The following NUP160 variants were observed in gnomAD, a reference collection of about 807,000 sequenced individuals.
NUP160 encodes nuclear pore complex protein Nup160.
Under a neutral mutation model 196.9 loss-of-function variants are expected in NUP160, and 94 were observed. That is an observed-to-expected ratio of 0.48 (90% CI 0.40 to 0.57). The LOEUF (loss-of-function observed/expected upper bound fraction) is 0.57. Among genes scored for constraint, NUP160 ranks in the 20% least tolerant of loss-of-function variants. The probability of loss-of-function intolerance (pLI) is 0.00; values close to 1 mark genes in which losing one functional copy is unlikely to be tolerated. For missense variants in NUP160, 1,638 were observed against 1,748.3 expected (o/e 0.94, Z 1.13); for synonymous variants, 605 against 619.7 (o/e 0.98, Z 0.35).
rs1851864289 is a variant in NUP160, at chr11:47,821,840, A to T, written c.1180-19T>A. On this transcript the variant is annotated intron_variant, in intron 8 of 35. Transcript: ENST00000378460. The stretch of plus-strand genomic sequence containing the variant: ...GTGTCTCCTAGGAGGAAATGTGGGA[A>T]AAAAAGGGATAAAATAAGAAAGAAA... 6 of 1,570,250 alleles carry T rather than the reference A, an allele frequency of 3.8e-6. No individual in the cohort carries two copies. Among genetic ancestry groups the T allele is most frequent in the Non-Finnish European group, 4.4e-6 (5 of 1,139,876 alleles).
intron 17 of NUP160, 48 bp from the exon 18 acceptor site, chr11:47,808,577 T>C (rs770054783): frequency 5.2e-6 from 8 of 1,525,452 alleles, no homozygotes; most frequent in Non-Finnish European, 7.2e-6. Flanking sequence ...TAGCAATTAG[T>C]AATGGTAACT....
chr11:47,780,879 T>C (rs979976899), intron 34 of NUP160, among the ~76,000 whole-genome samples: 1 of 152,160 alleles, frequency 6.6e-6, no homozygotes, highest in Non-Finnish European at 1.5e-5. Flanking sequence ...TACATGTGCA[T>C]GCACACAATG....
At chr11:47,835,615 C>A (rs553868001) in intron 7 of NUP160, 36 bp downstream of exon 7, 20 of 1,509,280 alleles carry the variant, frequency 1.3e-5, no homozygotes, top group Non-Finnish European at 1.8e-5. Context: ...TCAGTACACA[C>A]AGAATAACTT....
chr11:47,824,695 G>C (rs1851933310), intron 7 of NUP160, among the ~76,000 whole-genome samples: 1 of 152,056 alleles, frequency 6.6e-6, no homozygotes, highest in African/African-American at 2.4e-5. Context: ...CTGCAGTGCA[G>C]TGACATGATC....
chr11:47,785,446 T>C (rs577312520), intron 32 of NUP160, among the ~76,000 whole-genome samples: 2 of 152,316 alleles, frequency 1.3e-5, no homozygotes, highest in Admixed American at 6.5e-5. Context: ...AGGAAAACTT[T>C]AGAAATTAAC....
intron 11 of NUP160, among the ~76,000 whole-genome samples, 198 bp from the exon 12 acceptor site, chr11:47,816,227 T>C (rs925485505): frequency 6.6e-5 from 10 of 152,284 alleles, no homozygotes; most frequent in South Asian, 2.1e-4. Flanking sequence ...ATTCTTAAAA[T>C]ACTTGAAGGG....
At chr11:47,826,750 T>G (rs975447999) in intron 7 of NUP160, among the ~76,000 whole-genome samples, 1 of 151,928 alleles carries the variant, frequency 6.6e-6, no homozygotes, top group African/African-American at 2.4e-5. Flanking sequence ...TTTAGTACAG[T>G]CGGGGTTTCA....
At chr11:47,781,975 C>A (rs542973725) in intron 34 of NUP160, among the ~76,000 whole-genome samples, 6 of 151,990 alleles carry the variant, frequency 3.9e-5, no homozygotes, top group Admixed American at 2.0e-4. Context: ...CCTTACATAG[C>A]ATGATAATAA....
intron 27 of NUP160, among the ~76,000 whole-genome samples, chr11:47,793,814 C>T (rs1565189842): frequency 7.8e-6 from 1 of 128,786 alleles, no homozygotes; most frequent in Non-Finnish European, 1.5e-5. Flanking sequence ...GGTCTCAGCT[C>T]ATTGCAATCT....
chr11:47,838,353 T>C (rs747747824), intron 4 of NUP160, among the ~76,000 whole-genome samples: 1 of 152,172 alleles, frequency 6.6e-6, no homozygotes. Context: ...AGTGGGTCAC[T>C]CTAGGCCAGT....
rs759498596 is a variant in NUP160 at position 47,840,622 on chromosome 11, A to G, written c.315-34T>C. 6.1e-6 allele frequency: 9 copies of G among 1,485,452 alleles called. No homozygotes were observed. In the East Asian group the frequency reaches 2.0e-4, roughly 34 times the overall value. The allele number at this position is 1,485,452 out of a possible 1,614,324, so 92.0% of individuals were successfully genotyped here. A position where few individuals can be genotyped will look rare whatever the true frequency, so the allele number is the denominator to read the frequency against. On this transcript the variant is annotated intron_variant, in intron 2 of 35. Coordinates refer to ENST00000378460, the Ensembl canonical transcript of NUP160. ...AAAGAGACATTTGTTTGAAAAGTTTATGCTTTTCTCACTGACTGTTCTACT... is the reference window on the plus strand; with the variant it reads ...AAAGAGACATTTGTTTGAAAAGTTTGTGCTTTTCTCACTGACTGTTCTACT...
At chr11:47,818,358 T>C (rs913076407) in intron 10 of NUP160, among the ~76,000 whole-genome samples, 6 of 152,224 alleles carry the variant, frequency 3.9e-5, no homozygotes, top group Non-Finnish European at 7.3e-5. Flanking sequence ...GAGAGCTTCA[T>C]TGGGTTCCGG....
chr11:47,845,098 A>G (rs1310237490), intron 2 of NUP160, among the ~76,000 whole-genome samples: 1 of 152,218 alleles, frequency 6.6e-6, no homozygotes, highest in East Asian at 1.9e-4. Context: ...ATGGGCAACC[A>G]GCAGCCCTCG....
chr11:47,791,868 C>T (rs1305085808), intron 29 of NUP160, 62 bp downstream of exon 29: 1 of 1,061,322 alleles, frequency 9.4e-7, no homozygotes, highest in Non-Finnish European at 1.4e-6. Flanking sequence ...TATCATAATA[C>T]AACTAACAAT....
At chr11:47,788,406 CT>C in intron 30 of NUP160, 94 bp downstream of exon 30, 1 of 1,553,924 alleles carries the variant, frequency 6.4e-7, no homozygotes, top group Non-Finnish European at 8.9e-7. Flanking sequence ...ATAACCCAGG[CT>C]TTATACCCAT....
chr11:47,824,334 G>A (rs915199922), intron 7 of NUP160, among the ~76,000 whole-genome samples: 8 of 151,550 alleles, frequency 5.3e-5, no homozygotes, highest in African/African-American at 9.7e-5. Flanking sequence ...GGCTGGGTGC[G>A]GTGGCTCACA....
chr11:47,807,583 T>C (rs1238691178), intron 18 of NUP160, among the ~76,000 whole-genome samples: 1 of 151,916 alleles, frequency 6.6e-6, no homozygotes, highest in Non-Finnish European at 1.5e-5. Flanking sequence ...AGCAATATTG[T>C]TTGAATCAGG....
intron 6 of NUP160, 33 bp downstream of exon 6, chr11:47,836,854 T>C: frequency 1.6e-6 from 2 of 1,283,522 alleles, no homozygotes; most frequent in South Asian, 1.2e-5. Context: ...CAATCCTGTT[T>C]TAACTTACAG....
At position 47,795,740 on chromosome 11, in the gene NUP160, C is replaced by T. The variant is rs2904128; in HGVS notation, c.3289+2039G>A. ...ACTGACCTACATGCTTCAAAAATAT[C>T]AATGTCATCAAAGGCAAAGTGAGGC... On this transcript the variant is annotated intron_variant, in intron 27 of 35. Coordinates refer to ENST00000378460, the Ensembl canonical transcript of NUP160. Among the ~76,000 whole-genome samples, 51 of 152,230 alleles carry T rather than the reference C, an allele frequency of 3.4e-4. No homozygotes were observed. In the East Asian group the frequency reaches 4.1e-3, roughly 12 times the overall value.
Sources: allele counts gnomAD v4.1 joint callset (sites outside exome capture counted in the v4.1 genomes callset), GRCh38; gene constraint gnomAD v4.1.1; transcripts MANE v1.5; gene names NCBI Gene and HGNC (gene_info 2026-07-23, HGNC 2026-07-21).